The following ARK2N variants were observed in gnomAD, a reference collection of about 807,000 sequenced individuals.
ARK2N encodes arkadia (RNF111) N-terminal like PKA signaling regulator 2N, also known as protein ARK2N.
At chr18:46,207,506 C>T in the ARK2N span, among the ~76,000 whole-genome samples, 1 of 151,214 alleles carries the variant, frequency 6.6e-6, no homozygotes, top group East Asian at 1.9e-4. Context: ...TCTCCCGTCT[C>T]AGCCTCCCGA....
the ARK2N span, among the ~76,000 whole-genome samples, chr18:46,252,923 A>G: frequency 6.6e-6 from 1 of 152,240 alleles, no homozygotes; most frequent in Admixed American, 6.5e-5. Flanking sequence ...ATTGCATCAT[A>G]TAATACGTGC....
the ARK2N span, among the ~76,000 whole-genome samples, chr18:46,203,750 C>T: frequency 6.6e-6 from 1 of 152,052 alleles, no homozygotes; most frequent in Non-Finnish European, 1.5e-5. Flanking sequence ...CCATGCCCAG[C>T]TAATTTTTGT....
chr18:46,181,270 G>A, the ARK2N span, among the ~76,000 whole-genome samples: 1 of 152,016 alleles, frequency 6.6e-6, no homozygotes. Context: ...CGGGAGGTGG[G>A]GGGGGAAATG....
At chr18:46,253,638 C>T in the ARK2N span, 1 of 1,549,350 alleles carries the variant, frequency 6.5e-7, no homozygotes, top group Non-Finnish European at 8.8e-7. Context: ...GAGTTGTTTC[C>T]ACTGTTTGTG....
chr18:46,216,584 C>T, the ARK2N span: 4 of 1,610,644 alleles, frequency 2.5e-6, no homozygotes, highest in South Asian at 3.3e-5. The surrounding 1 kb of genome is among the most constrained non-coding windows in gnomAD (Gnocchi z 4.3). Context: ...ACAATCACTG[C>T]AGAGATACCA....
chr18:46,239,631 G>A, the ARK2N span, among the ~76,000 whole-genome samples: 1 of 152,094 alleles, frequency 6.6e-6, no homozygotes. Context: ...TATAAATTGG[G>A]TTTTAATAAT....
At chr18:46,243,941 T>G in the ARK2N span, among the ~76,000 whole-genome samples, 40 of 152,308 alleles carry the variant, frequency 2.6e-4, no homozygotes, top group Admixed American at 2.6e-4. Context: ...AGGAAGTGAT[T>G]AGTGGCTCAG....
chr18:46,232,785 A>G, the ARK2N span: 88 of 152,330 alleles, frequency 5.8e-4, no homozygotes, highest in African/African-American at 2.1e-3. Context: ...AGTGTATTCT[A>G]TGGCAATTAA....
the ARK2N span, among the ~76,000 whole-genome samples, chr18:46,259,493 C>T: frequency 3.6e-4 from 55 of 152,244 alleles, no homozygotes; most frequent in South Asian, 1.9e-3. Context: ...CCGCCTACCT[C>T]GGCCTCCCAA....
the ARK2N span, among the ~76,000 whole-genome samples, chr18:46,223,119 C>T: frequency 3.9e-5 from 6 of 152,116 alleles, no homozygotes; most frequent in African/African-American, 9.7e-5. Context: ...ATAAGTAATG[C>T]GAGAATCTAA....
At chr18:46,193,052 G>A in the ARK2N span, among the ~76,000 whole-genome samples, 1 of 151,846 alleles carries the variant, frequency 6.6e-6, no homozygotes, top group African/African-American at 2.4e-5. Context: ...TATAGTCCCA[G>A]CTACTTGGGA....
chr18:46,237,159 A>G, the ARK2N span, among the ~76,000 whole-genome samples: 2 of 152,008 alleles, frequency 1.3e-5, no homozygotes, highest in Admixed American at 1.3e-4. Context: ...CACCATGCTC[A>G]GTCAGCTTCT....
At chr18:46,187,434 C>T in the ARK2N span, among the ~76,000 whole-genome samples, 1 of 151,508 alleles carries the variant, frequency 6.6e-6, no homozygotes, top group East Asian at 2.0e-4. Context: ...CTCCGCCTCC[C>T]GGGTTCAAGC....
the ARK2N span, among the ~76,000 whole-genome samples, chr18:46,207,149 C>T: frequency 6.6e-6 from 1 of 152,136 alleles, no homozygotes; most frequent in African/African-American, 2.4e-5. Context: ...AGGAACTCTC[C>T]TGTAAGATTT....
At chr18:46,248,128 G>A in the ARK2N span, among the ~76,000 whole-genome samples, 3 of 152,212 alleles carry the variant, frequency 2.0e-5, no homozygotes, top group African/African-American at 7.2e-5. Context: ...TCAGTAGATG[G>A]CAGTGAAACG....
chr18:46,249,238 T>A, the ARK2N span, among the ~76,000 whole-genome samples: 4,322 of 152,146 alleles, frequency 0.028, 185 homozygotes, highest in African/African-American at 0.098. Context: ...TCTTTTTTTT[T>A]ACTTTTTTTG....
chr18:46,211,277 C>T, the ARK2N span, among the ~76,000 whole-genome samples: 32 of 152,208 alleles, frequency 2.1e-4, 1 homozygote, highest in African/African-American at 7.0e-4. Context: ...GTTGCAAACA[C>T]GGCTCATGAC....
At chr18:46,250,412 G>A in the ARK2N span, among the ~76,000 whole-genome samples, 8 of 150,460 alleles carry the variant, frequency 5.3e-5, no homozygotes, top group Non-Finnish European at 7.4e-5. Flanking sequence ...ATTTACCTAA[G>A]TCAGAAACCT....
the ARK2N span, among the ~76,000 whole-genome samples, chr18:46,206,372 C>T: frequency 1.3e-5 from 2 of 152,210 alleles, no homozygotes; most frequent in East Asian, 3.9e-4. Flanking sequence ...AGGGGTGAGC[C>T]ACTGCTTGGC....
Sources: gnomAD v4.1 joint callset for allele counts (sites outside exome capture counted in the v4.1 genomes callset) on GRCh38, gnomAD v4.1.1 for gene constraint, Gnocchi (gnomAD v3.1) non-coding constraint, MANE v1.5 for transcripts, NCBI Gene and HGNC (gene_info 2026-07-23, HGNC 2026-07-21) for gene names.